Variants in GXYLT2 observed in about 807,000 individuals in gnomAD.
GXYLT2 encodes glucoside xylosyltransferase 2.
GXYLT2 carries 53 observed loss-of-function variants against 45.8 expected under a neutral mutation model. The ratio of observed to expected loss-of-function variants is 1.16; its 90% CI spans 0.93 to 1.46. GXYLT2 has a LOEUF of 1.46. GXYLT2 is among the 40% of genes most tolerant of loss of function. The pLI, the probability that GXYLT2 is intolerant of heterozygous loss-of-function variation, is 0.00. For synonymous variants in GXYLT2, 219 were observed against 214.2 expected, an observed-to-expected ratio of 1.02 and a Z score of -0.19; for missense variants, 551 against 544.4, an observed-to-expected ratio of 1.01 and a Z score of -0.12.
chr3:72,908,047 G>C (rs1482038968), intron 1 of GXYLT2: 1 of 216,632 alleles, frequency 4.6e-6, no homozygotes, highest in African/African-American at 2.3e-5. Flanking sequence ...GTCAGCTGTC[G>C]AAGTTTAGCA....
chr3:72,890,275 C>G (rs1239129663), intron 1 of GXYLT2, among the ~76,000 whole-genome samples: 1 of 152,226 alleles, frequency 6.6e-6, no homozygotes, highest in Non-Finnish European at 1.5e-5. Flanking sequence ...GCACAGGCAT[C>G]ATCTGGGAAC....
intron 3 of GXYLT2, among the ~76,000 whole-genome samples, chr3:72,937,610 T>G (rs1320577763): frequency 6.6e-6 from 1 of 152,228 alleles, no homozygotes; most frequent in Non-Finnish European, 1.5e-5. Context: ...GAGTCTGGAT[T>G]GAAGCCCAAG....
intron 1 of GXYLT2, among the ~76,000 whole-genome samples, chr3:72,889,125 A>G (rs1256529411): frequency 1.3e-5 from 2 of 151,112 alleles, no homozygotes; most frequent in Non-Finnish European, 3.0e-5. Flanking sequence ...CAAGAAAAAC[A>G]ACTTAACCTT....
rs1247153605 is a variant in GXYLT2 at position 72,975,209 on chromosome 3, A to C, written c.*50A>C. 7.2e-7 allele frequency: 1 copy of C among 1,382,238 alleles called. No homozygotes were observed. Among genetic ancestry groups the C allele is most frequent in the Non-Finnish European group, 1.0e-6 (1 of 992,832 alleles). The allele number at this position is 1,382,238 out of a possible 1,614,324, so 85.6% of individuals were successfully genotyped here. On this transcript the variant is annotated 3_prime_UTR_variant, in exon 7 of 7. Coordinates refer to ENST00000389617, the MANE Select transcript of GXYLT2 (RefSeq NM_001080393.2). ...TTAGGTGTCTTGTGACCAAGGAAAT[A>C]CTAATCTCTAAGCTGCCTGGGTCTT...
intron 3 of GXYLT2, among the ~76,000 whole-genome samples, chr3:72,927,655 GA>G (rs1338651916): frequency 6.6e-6 from 1 of 151,980 alleles, no homozygotes; most frequent in African/African-American, 2.4e-5. Context: ...ACACATATAG[GA>G]ATATATTAAA....
chr3:72,902,426 C>G (rs1310268521), intron 1 of GXYLT2, among the ~76,000 whole-genome samples: 1 of 152,172 alleles, frequency 6.6e-6, no homozygotes, highest in Non-Finnish European at 1.5e-5. Context: ...AAATCAAACA[C>G]TAAGAACACT....
chr3:72,916,374 G>A (rs192851778), intron 2 of GXYLT2, among the ~76,000 whole-genome samples: 7 of 151,862 alleles, frequency 4.6e-5, no homozygotes, highest in Admixed American at 3.3e-4. Flanking sequence ...TGGGGGTAGA[G>A]ATGGGGTCTT....
At position 72,888,490 on chromosome 3, in the gene GXYLT2, G is replaced by T; in HGVS notation, c.257G>T (p.Arg86Ile). The T allele has an allele frequency of 8.0e-7, 1 of 1,246,466 alleles. No individual in the cohort carries two copies. The highest frequency in any genetic ancestry group is 2.5e-5 in the South Asian group (1 of 39,330). The allele number at this position is 1,246,466 out of a possible 1,614,324, so 77.2% of individuals were successfully genotyped here. The change falls in exon 1 of 7, where the codon AGA becomes ATA. Residue 86 changes from arginine to isoleucine, a missense_variant. Arg to Ile is a moderately conservative substitution (Grantham distance 97). Transcript: ENST00000389617. ...CGAGCGGGCCGCCGGGGCGCTGCGA[G>T]ACTGGAGAAGTTGGCGAGGTGAGTC... ...RPRAGRRGAA[R>I]LEKLARRPGE...
intron 5 of GXYLT2, among the ~76,000 whole-genome samples, chr3:72,960,336 C>A (rs1404306043): frequency 6.6e-6 from 1 of 152,196 alleles, no homozygotes; most frequent in Non-Finnish European, 1.5e-5. Context: ...AGTTGCCTCC[C>A]CAGTTCCTCT....
At chr3:72,902,017 G>C (rs1252972345) in intron 1 of GXYLT2, among the ~76,000 whole-genome samples, 1 of 152,116 alleles carries the variant, frequency 6.6e-6, no homozygotes, top group Non-Finnish European at 1.5e-5. Flanking sequence ...TATCATACTT[G>C]ATTCCTTTTT....
chr3:72,946,006 G>A (rs749400925), intron 3 of GXYLT2, among the ~76,000 whole-genome samples: 2 of 152,110 alleles, frequency 1.3e-5, no homozygotes, highest in African/African-American at 4.8e-5. Context: ...GCTGGGTGTG[G>A]TGGCTCACAC....
chr3:72,938,055 C>G (rs1267796383), intron 3 of GXYLT2, among the ~76,000 whole-genome samples: 1 of 152,040 alleles, frequency 6.6e-6, no homozygotes, highest in Non-Finnish European at 1.5e-5. Flanking sequence ...GCCAGGAGTT[C>G]AAGACTGGCC....
intron 3 of GXYLT2, among the ~76,000 whole-genome samples, chr3:72,947,139 G>A (rs1710426984): frequency 6.6e-6 from 1 of 152,016 alleles, no homozygotes; most frequent in Non-Finnish European, 1.5e-5. Context: ...ACCACACCTG[G>A]CCTATTGTTT....
chr3:72,939,359 C>G (rs1710253799), intron 3 of GXYLT2, among the ~76,000 whole-genome samples: 1 of 151,840 alleles, frequency 6.6e-6, no homozygotes, highest in Non-Finnish European at 1.5e-5. Flanking sequence ...TATTTGAACC[C>G]AGGAGGCAGA....
At position 72,925,159 on chromosome 3, in the gene GXYLT2, TC is replaced by T. The variant is rs1459935190; in HGVS notation, c.600+2825del. On this transcript the variant is annotated intron_variant, in intron 3 of 6. Coordinates refer to ENST00000389617, the MANE Select transcript of GXYLT2 (RefSeq NM_001080393.2). ...TATGTCATCTATTTTTCTTTTTCTTTCTTTTTTTTTTTTTTGAGACAGAGTC... is the reference window on the plus strand; with the variant it reads ...TATGTCATCTATTTTTCTTTTTCTTTTTTTTTTTTTTTTTGAGACAGAGTC... Among the ~76,000 whole-genome samples, 18 of 149,162 alleles carry T rather than the reference TC, an allele frequency of 1.2e-4. 1 individual carries two copies. The highest frequency in any genetic ancestry group is 4.1e-4 in the African/African-American group (16 of 39,038).
At chr3:72,950,648 A>G (rs1710505029) in intron 3 of GXYLT2, among the ~76,000 whole-genome samples, 1 of 152,094 alleles carries the variant, frequency 6.6e-6, no homozygotes, top group Non-Finnish European at 1.5e-5. Flanking sequence ...AAATGGGCCA[A>G]AAGAGCTTGT....
In GXYLT2 at chr3:72,974,955, C is replaced by CT. The variant is rs746999325; in HGVS notation, c.1150-13dup. The CT allele has an allele frequency of 4.6e-4, 688 of 1,498,608 alleles. 3 individuals carry two copies. The highest frequency in any genetic ancestry group is 2.5e-3 in the South Asian group (196 of 78,252). The allele number at this position is 1,498,608 out of a possible 1,614,324, so 92.8% of individuals were successfully genotyped here. On this transcript the variant is annotated intron_variant, in intron 6 of 6. Coordinates refer to ENST00000389617, the MANE Select transcript of GXYLT2 (RefSeq NM_001080393.2). ...AATGGCATTTCCGTTACTAAATAAA[C>CT]TTTTTTTTTGTCATCTTTCAGTTTC...
chr3:72,910,979 A>G (rs1709607040), intron 2 of GXYLT2, among the ~76,000 whole-genome samples: 1 of 152,146 alleles, frequency 6.6e-6, no homozygotes, highest in Non-Finnish European at 1.5e-5. Context: ...AGAACAAAAT[A>G]CAGACTTGGA....
chr3:72,890,025 AT>A (rs1709154613), intron 1 of GXYLT2, among the ~76,000 whole-genome samples: 3 of 149,458 alleles, frequency 2.0e-5, no homozygotes, highest in Non-Finnish European at 4.4e-5. Context: ...GATTCAAGTG[AT>A]TCTTGTGCCT....
Sources: allele counts gnomAD v4.1 joint callset (sites outside exome capture counted in the v4.1 genomes callset), GRCh38; gene constraint gnomAD v4.1.1; transcripts MANE v1.5; gene names NCBI Gene and HGNC (gene_info 2026-07-23, HGNC 2026-07-21).